The following GRIN2B variants were observed in gnomAD, a reference collection of about 807,000 sequenced individuals.
GRIN2B encodes glutamate receptor ionotropic, NMDA 2B.
In GRIN2B, 5 loss-of-function variants were observed where a neutral mutation model predicts 114.5. That is an observed-to-expected ratio of 0.04 (90% confidence interval 0.02 to 0.09). The LOEUF (loss-of-function observed/expected upper bound fraction) is 0.09. GRIN2B is among the 10% of genes least tolerant of loss of function. The pLI is 1.00. For synonymous variants in GRIN2B, 787 were observed against 745.1 expected, an observed-to-expected ratio of 1.06 and a Z score of -0.92; for missense variants, 1,108 against 1,943.5, an observed-to-expected ratio of 0.57 and a Z score of 8.08.
chr12:13,817,780 G>T (rs966876947), intron 3 of GRIN2B, among the ~76,000 whole-genome samples: 2 of 152,118 alleles, frequency 1.3e-5, no homozygotes, highest in Non-Finnish European at 2.9e-5. Context: ...GCTCAGGAAT[G>T]GTTCTTCTGG....
intron 2 of GRIN2B, among the ~76,000 whole-genome samples, chr12:13,912,044 C>T (rs1415124289): frequency 6.6e-6 from 1 of 152,106 alleles, no homozygotes; most frequent in Admixed American, 6.5e-5. Context: ...TCGCCTACTG[C>T]CTCTTCCCTC....
intron 3 of GRIN2B, among the ~76,000 whole-genome samples, chr12:13,849,961 T>C (rs578241513): frequency 2.0e-5 from 3 of 152,236 alleles, no homozygotes; most frequent in African/African-American, 7.2e-5. Flanking sequence ...AACACCTGAA[T>C]ACCCCTCTTG....
rs536056176 is a variant in GRIN2B at position 13,914,676 on chromosome 12, C to T, written c.-18-48450G>A. On this transcript the variant is annotated intron_variant, in intron 2 of 13. Coordinates refer to ENST00000609686, the MANE Select transcript of GRIN2B (RefSeq NM_000834.5). ...TCAAAATCTGGAATCAACCTAAATG[C>T]CCTTCAATGGATGAACAGATAAAGG... is the stretch of plus-strand genomic sequence containing the variant. Among the ~76,000 whole-genome samples, 117 of 152,242 alleles carry T rather than the reference C, an allele frequency of 7.7e-4. 1 individual carries two copies. The South Asian group carries it at 0.02, about 26-fold the overall frequency.
chr12:13,755,980 T>C (rs185215632), intron 3 of GRIN2B, among the ~76,000 whole-genome samples: 4 of 152,284 alleles, frequency 2.6e-5, no homozygotes, highest in Admixed American at 1.3e-4. Context: ...GGCACCTTGA[T>C]CTTGAACTTC....
chr12:13,883,333 T>A (rs1235616702), intron 2 of GRIN2B, among the ~76,000 whole-genome samples: 1 of 152,194 alleles, frequency 6.6e-6, no homozygotes, highest in East Asian at 1.9e-4. Context: ...ATTGCCAAAC[T>A]TTTCCAAAGT....
intron 4 of GRIN2B, among the ~76,000 whole-genome samples, chr12:13,710,343 G>A (rs1016867622): frequency 2.0e-4 from 31 of 152,068 alleles, no homozygotes; most frequent in African/African-American, 5.1e-4. Flanking sequence ...CTCTCTCACC[G>A]CTCCTATTCA....
chr12:13,662,076 C>T (rs564623539), intron 5 of GRIN2B, among the ~76,000 whole-genome samples: 1 of 152,126 alleles, frequency 6.6e-6, no homozygotes, highest in East Asian at 1.9e-4. Flanking sequence ...GAACAGTAGG[C>T]TAGAGTAGGT....
rs541815525 is a variant in GRIN2B, at chr12:13,558,174, A to C, written c.*4609T>G. The C allele has an allele frequency of 2.0e-5, 3 of 152,274 alleles. No homozygotes were observed. Among genetic ancestry groups the C allele is most frequent in the African/African-American group, 7.2e-5 (3 of 41,552 alleles). The allele number at this position is 152,274 out of a possible 1,614,324, so 9.4% of individuals were successfully genotyped here. ...TGCTGTAGTGTGTAGCAGCCTACTG[A>C]GCATGTATTTCCTATATGGCTTTGG... On this transcript the variant is annotated 3_prime_UTR_variant, in exon 14 of 14. Coordinates refer to ENST00000609686, the MANE Select transcript of GRIN2B (RefSeq NM_000834.5).
At chr12:13,667,450 A>G (rs890178562) in intron 5 of GRIN2B, among the ~76,000 whole-genome samples, 8 of 152,140 alleles carry the variant, frequency 5.3e-5, no homozygotes, top group African/African-American at 1.7e-4. Context: ...TACAAAAAAA[A>G]GGGGACAAAT....
At chr12:13,672,492 A>G (rs1051812641) in intron 5 of GRIN2B, among the ~76,000 whole-genome samples, 4 of 152,124 alleles carry the variant, frequency 2.6e-5, no homozygotes, top group African/African-American at 9.7e-5. Context: ...TGTCCTGGGG[A>G]CGAGGATAAC....
At chr12:13,848,189 C>T (rs1051315852) in intron 3 of GRIN2B, among the ~76,000 whole-genome samples, 16 of 152,188 alleles carry the variant, frequency 1.1e-4, no homozygotes, top group African/African-American at 3.9e-4. Context: ...ACATATTTCC[C>T]TTATGGTCCA....
chr12:13,799,989 AC>A (rs1864479148), intron 3 of GRIN2B, among the ~76,000 whole-genome samples: 2 of 152,166 alleles, frequency 1.3e-5, no homozygotes, highest in South Asian at 4.1e-4. Flanking sequence ...ACTGAACAAT[AC>A]CAGCCATTCT....
At chr12:13,682,913 A>T (rs17760975) in intron 4 of GRIN2B, among the ~76,000 whole-genome samples, 1,639 of 152,304 alleles carry the variant, frequency 0.011, 23 homozygotes, top group Admixed American at 0.045. Flanking sequence ...AATTAGTTTA[A>T]TCTGCAATGA....
At chr12:13,826,663 T>C (rs1865041470) in intron 3 of GRIN2B, among the ~76,000 whole-genome samples, 1 of 152,158 alleles carries the variant, frequency 6.6e-6, no homozygotes, top group African/African-American at 2.4e-5. Flanking sequence ...TGGGATTTAC[T>C]GAACTTATCA....
chr12:13,866,516 C>T (rs190761230), intron 2 of GRIN2B, among the ~76,000 whole-genome samples: 1 of 152,298 alleles, frequency 6.6e-6, no homozygotes, highest in African/African-American at 2.4e-5. Context: ...GTGAGTGGTC[C>T]AGGTAGCCAT....
intron 4 of GRIN2B, among the ~76,000 whole-genome samples, chr12:13,697,163 T>G (rs1950268076): frequency 1.3e-5 from 2 of 152,134 alleles, no homozygotes; most frequent in Non-Finnish European, 2.9e-5. Context: ...TGCTCTAAGA[T>G]GTAAATTCTG....
intron 4 of GRIN2B, among the ~76,000 whole-genome samples, chr12:13,715,369 T>A (rs1565510952): frequency 6.6e-6 from 1 of 151,864 alleles, no homozygotes; most frequent in Non-Finnish European, 1.5e-5. Flanking sequence ...GGCTGAGAAA[T>A]GTTTTTCTTT....
intron 3 of GRIN2B, among the ~76,000 whole-genome samples, chr12:13,824,956 CTTCT>C (rs1370484493): frequency 6.7e-6 from 1 of 149,034 alleles, no homozygotes; most frequent in African/African-American, 2.5e-5. Context: ...ATTTGTTTTC[CTTCT>C]GTTTATTCTG....
intron 3 of GRIN2B, among the ~76,000 whole-genome samples, chr12:13,823,489 T>C (rs918244875): frequency 3.3e-5 from 5 of 152,110 alleles, no homozygotes; most frequent in Admixed American, 6.6e-5. Flanking sequence ...AAAAATACAA[T>C]TGATTTTTGT....
Sources: allele counts gnomAD v4.1 joint callset (sites outside exome capture counted in the v4.1 genomes callset), GRCh38; gene constraint gnomAD v4.1.1; transcripts MANE v1.5; gene names NCBI Gene and HGNC (gene_info 2026-07-23, HGNC 2026-07-21).